Variants in SPAG16 observed in about 807,000 individuals in gnomAD.
SPAG16 encodes the protein sperm associated antigen 16, also known as sperm-associated antigen 16 protein.
Under a neutral mutation model 80.4 loss-of-function variants are expected in SPAG16, and 86 were observed. That is an observed-to-expected ratio of 1.07 (90% CI 0.90 to 1.28). The LOEUF (loss-of-function observed/expected upper bound fraction) is 1.28, where lower values mean the gene tolerates loss of function less well. Among genes scored for constraint, SPAG16 ranks in the 50% most tolerant of loss-of-function variants. The probability of loss-of-function intolerance (pLI) is 0.00; values close to 1 mark genes in which losing one functional copy is unlikely to be tolerated. For synonymous variants in SPAG16, 294 were observed against 265.9 expected (o/e 1.11, Z -1.03); for missense variants, 870 against 765.3 (o/e 1.14, Z -1.61).
intron 13 of SPAG16, among the ~76,000 whole-genome samples, chr2:214,061,142 C>A (rs1346437668): frequency 6.6e-6 from 1 of 152,114 alleles, no homozygotes; most frequent in Non-Finnish European, 1.5e-5. Flanking sequence ...TCAAACGGAT[C>A]TCCTGAAGCA....
chr2:214,107,851 G>A (rs1007346436), intron 13 of SPAG16, among the ~76,000 whole-genome samples: 2 of 152,108 alleles, frequency 1.3e-5, no homozygotes, highest in African/African-American at 2.4e-5. Context: ...GAAAATAACA[G>A]CTTTCTAATA....
intron 9 of SPAG16, among the ~76,000 whole-genome samples, chr2:213,405,140 G>T (rs1309157597): frequency 6.6e-6 from 1 of 152,112 alleles, no homozygotes; most frequent in Non-Finnish European, 1.5e-5. Context: ...TGAACCTAAG[G>T]TTTACTTAAG....
At chr2:213,296,512 T>C (rs2062503176) in intron 2 of SPAG16, among the ~76,000 whole-genome samples, 1 of 152,206 alleles carries the variant, frequency 6.6e-6, no homozygotes, top group African/African-American at 2.4e-5. Context: ...TAACAGTATT[T>C]CTATCTAATG....
At chr2:213,806,951 C>T (rs1035117964) in intron 10 of SPAG16, among the ~76,000 whole-genome samples, 5 of 152,134 alleles carry the variant, frequency 3.3e-5, no homozygotes, top group African/African-American at 7.2e-5. Flanking sequence ...TCAAAGATCA[C>T]GGATACATTA....
At chr2:214,037,631 G>C (rs2048766849) in intron 13 of SPAG16, among the ~76,000 whole-genome samples, 1 of 151,992 alleles carries the variant, frequency 6.6e-6, no homozygotes, top group South Asian at 2.1e-4. Flanking sequence ...TCCTAGGCTT[G>C]TATGTTTCTA....
intron 9 of SPAG16, among the ~76,000 whole-genome samples, chr2:213,476,732 G>C (rs1419416459): frequency 6.6e-6 from 1 of 152,194 alleles, no homozygotes; most frequent in Non-Finnish European, 1.5e-5. Flanking sequence ...GTGAGCAGGA[G>C]GGAGCGGGGC....
chr2:213,555,085 A>G (rs181173220), intron 10 of SPAG16, among the ~76,000 whole-genome samples: 112 of 152,308 alleles, frequency 7.4e-4, no homozygotes, highest in African/African-American at 2.4e-3. Context: ...GGACCCCAAA[A>G]GCACCAAGAG....
chr2:214,286,339 C>T (rs1474957336), intron 15 of SPAG16, among the ~76,000 whole-genome samples: 1 of 152,096 alleles, frequency 6.6e-6, no homozygotes, highest in Non-Finnish European at 1.5e-5. Context: ...CACACACACA[C>T]AAAGAATCTT....
intron 13 of SPAG16, among the ~76,000 whole-genome samples, chr2:214,075,891 T>A (rs2051050911): frequency 1.3e-5 from 2 of 152,200 alleles, no homozygotes; most frequent in Non-Finnish European, 1.5e-5. Flanking sequence ...TTTTTTATAG[T>A]AATTGTTAAT....
At chr2:213,800,933 A>C (rs2071358251) in intron 10 of SPAG16, among the ~76,000 whole-genome samples, 1 of 152,210 alleles carries the variant, frequency 6.6e-6, no homozygotes, top group South Asian at 2.1e-4. Flanking sequence ...AATGAAACTC[A>C]AGAACTTTAC....
chr2:214,020,455 C>G (rs2047806146), intron 13 of SPAG16, among the ~76,000 whole-genome samples: 1 of 151,428 alleles, frequency 6.6e-6, no homozygotes. Context: ...TGTTTCTGAC[C>G]AAAAAATAAC....
intron 5 of SPAG16, among the ~76,000 whole-genome samples, chr2:213,337,657 G>A (rs1396870146): frequency 6.6e-6 from 1 of 151,850 alleles, no homozygotes; most frequent in Non-Finnish European, 1.5e-5. Flanking sequence ...AATAAGACAG[G>A]CAGACAAGAG....
chr2:213,910,634 G>A (rs1477334364), intron 11 of SPAG16, among the ~76,000 whole-genome samples: 6 of 82,538 alleles, frequency 7.3e-5, no homozygotes, highest in African/African-American at 1.9e-4. Flanking sequence ...GACTACAGGC[G>A]CCCGCTACCA....
intron 10 of SPAG16, among the ~76,000 whole-genome samples, chr2:213,858,245 C>T (rs4405697): frequency 0.34 from 52,197 of 151,788 alleles, 9,392 homozygotes; most frequent in South Asian, 0.47. Flanking sequence ...TATCACATGC[C>T]ACAGAGAAAT....
At position 214,352,565 on chromosome 2, in the gene SPAG16, T is replaced by TGTGTGTGTGTGTGTGTGTGA. The variant is rs375089345; in HGVS notation, c.1721-57565_1721-57564insGTGTGTGTGAGTGTGTGTGT. On this transcript the variant is annotated intron_variant, in intron 15 of 15. Transcript: ENST00000331683. Reference sequence around the variant, plus strand: ...GTCCTTGACTTTTTTTCTCTGTGTGTGTGTGTGTGTATGTGTGACTATCTC... The same window carrying TGTGTGTGTGTGTGTGTGTGA: ...GTCCTTGACTTTTTTTCTCTGTGTGTGTGTGTGTGTGTGTGTGTGAGTGTGTGTGTATGTGTGACTATCTC... Among the ~76,000 whole-genome samples, 409 of 64,842 alleles carry TGTGTGTGTGTGTGTGTGTGA rather than the reference T, an allele frequency of 6.3e-3. 3 individuals are homozygous for TGTGTGTGTGTGTGTGTGTGA. The highest frequency in any genetic ancestry group is 0.011 in the African/African-American group (390 of 35,376). 42.5% of individuals were successfully genotyped at this position (64,842 alleles called of 152,430 possible). A position where few individuals can be genotyped will look rare whatever the true frequency, so the allele number is the denominator to read the frequency against.
intron 15 of SPAG16, among the ~76,000 whole-genome samples, chr2:214,385,617 G>A (rs971326348): frequency 6.6e-6 from 1 of 152,208 alleles, no homozygotes; most frequent in African/African-American, 2.4e-5. Context: ...GCCGAGGCAG[G>A]TGGATCACAT....
intron 15 of SPAG16, among the ~76,000 whole-genome samples, chr2:214,335,527 T>C (rs1196938692): frequency 1.3e-5 from 2 of 151,758 alleles, no homozygotes; most frequent in African/African-American, 4.8e-5. Flanking sequence ...AAGTAAAAAC[T>C]GTACATGATT....
chr2:214,355,718 G>A (rs1046844325), intron 15 of SPAG16, among the ~76,000 whole-genome samples: 1 of 151,892 alleles, frequency 6.6e-6, no homozygotes, highest in African/African-American at 2.4e-5. Flanking sequence ...AAAGGCACAT[G>A]CACACGTATG....
intron 10 of SPAG16, among the ~76,000 whole-genome samples, chr2:213,724,543 T>A (rs1264154494): frequency 6.6e-6 from 1 of 151,930 alleles, no homozygotes; most frequent in African/African-American, 2.4e-5. Context: ...TTTGGGAGGC[T>A]GAGGCAGGTG....
Sources: allele counts gnomAD v4.1 joint callset (sites outside exome capture counted in the v4.1 genomes callset), GRCh38; gene constraint gnomAD v4.1.1; transcripts MANE v1.5; gene names NCBI Gene and HGNC (gene_info 2026-07-23, HGNC 2026-07-21).